ERGIC2: variants seen among roughly 807,000 people sequenced by gnomAD.
ERGIC2 encodes the protein endoplasmic reticulum-Golgi intermediate compartment protein 2.
A neutral mutation model predicts 52.5 loss-of-function variants in ERGIC2; 31 were observed. That is an observed-to-expected ratio of 0.59 (90% CI 0.44 to 0.80). The LOEUF (loss-of-function observed/expected upper bound fraction) is 0.80, where lower values mean the gene tolerates loss of function less well. ERGIC2 is among the 30% of genes least tolerant of loss of function. ERGIC2 has a pLI of 0.00. For synonymous variants in ERGIC2, 129 were observed against 140.6 expected (o/e 0.92, Z 0.58); for missense variants, 395 against 455.2 (o/e 0.87, Z 1.20).
rs755791424 is a variant in ERGIC2 at position 29,340,044 on chromosome 12, C to A, written c.*1112G>T. ...CTTTTATAATGTGAAGATTTAGAACCAATCCTTAAATAGTAAGAAAGTTAG... is the reference window on the plus strand; with the variant it reads ...CTTTTATAATGTGAAGATTTAGAACAAATCCTTAAATAGTAAGAAAGTTAG... On this transcript the variant is annotated 3_prime_UTR_variant, in exon 14 of 14. Coordinates refer to ENST00000360150, the MANE Select transcript of ERGIC2 (RefSeq NM_016570.3). 5 of 152,060 alleles carry A rather than the reference C, an allele frequency of 3.3e-5. No individual in the cohort carries two copies. The highest frequency in any genetic ancestry group is 5.9e-5 in the Non-Finnish European group (4 of 67,980). 9.4% of individuals were successfully genotyped at this position (152,060 alleles called of 1,614,324 possible).
chr12:29,370,962 C>T (rs1016213777), intron 2 of ERGIC2, among the ~76,000 whole-genome samples: 17 of 152,088 alleles, frequency 1.1e-4, no homozygotes, highest in Non-Finnish European at 4.4e-5. Flanking sequence ...TAGTAAGCAA[C>T]TTATTACCCA....
chr12:29,371,649 C>T lies in ERGIC2; in HGVS notation c.-16G>A. On this transcript the variant is annotated 5_prime_UTR_variant, in exon 2 of 14. Coordinates refer to ENST00000360150, the MANE Select transcript of ERGIC2 (RefSeq NM_016570.3). ...GTCGCCTCATCTTCAGGAAAACCTT[C>T]CTCTTCCTTCATATAGTCATGCTAA... 2.6e-6 allele frequency: 4 copies of T among 1,517,342 alleles called. No homozygotes were observed. Among genetic ancestry groups the T allele is most frequent in the Non-Finnish European group, 1.8e-6 (2 of 1,092,600 alleles). 94.0% of individuals were successfully genotyped at this position (1,517,342 alleles called of 1,614,324 possible).
intron 6 of ERGIC2, among the ~76,000 whole-genome samples, chr12:29,359,969 T>G (rs973210307): frequency 1.1e-4 from 16 of 151,798 alleles, no homozygotes; most frequent in Non-Finnish European, 2.1e-4. Flanking sequence ...GGCAAACATT[T>G]TCACAAAAAA....
chr12:29,376,490 TA>T (rs1799909499), intron 1 of ERGIC2, among the ~76,000 whole-genome samples: 1 of 152,162 alleles, frequency 6.6e-6, no homozygotes, highest in Non-Finnish European at 1.5e-5. Flanking sequence ...TTTTACCATG[TA>T]AGCTTAACAG....
chr12:29,345,102 C>A (rs1940027560), intron 11 of ERGIC2, among the ~76,000 whole-genome samples: 1 of 152,088 alleles, frequency 6.6e-6, no homozygotes, highest in South Asian at 2.1e-4. Context: ...GCTGCCAGAT[C>A]AAGAACTGCT....
intron 1 of ERGIC2, among the ~76,000 whole-genome samples, chr12:29,376,316 C>T (rs1487141044): frequency 6.6e-6 from 1 of 152,106 alleles, no homozygotes; most frequent in Non-Finnish European, 1.5e-5. Context: ...TTCTCACTTC[C>T]GTACTTGTTG....
rs748465306 is a variant in ERGIC2, at chr12:29,340,789, GT to G, written c.*366del. 0.016 allele frequency: 5,193 copies of G among 320,746 alleles called. 1 individual carries two copies. The highest frequency in any genetic ancestry group is 0.025 in the South Asian group (952 of 37,540). 19.9% of individuals were successfully genotyped at this position (320,746 alleles called of 1,614,324 possible). On this transcript the variant is annotated 3_prime_UTR_variant, in exon 14 of 14. Coordinates refer to ENST00000360150, the MANE Select transcript of ERGIC2 (RefSeq NM_016570.3). ...GATGCGAACATTTGCACTTCTCAATGTTTTTTTTTTTCCCATAGATGTAGTT... is the reference window on the plus strand; with the variant it reads ...GATGCGAACATTTGCACTTCTCAATGTTTTTTTTTTCCCATAGATGTAGTT...
intron 1 of ERGIC2, among the ~76,000 whole-genome samples, chr12:29,377,022 G>A (rs574520636): frequency 2.0e-5 from 3 of 152,218 alleles, no homozygotes; most frequent in African/African-American, 4.8e-5. Context: ...ATTAAAAAAT[G>A]TAATTCTAGG....
At chr12:29,360,510 ATATAT>A (rs1273004574) in intron 6 of ERGIC2, among the ~76,000 whole-genome samples, 6 of 147,768 alleles carry the variant, frequency 4.1e-5, no homozygotes, top group African/African-American at 1.2e-4. Flanking sequence ...TATAAATATG[ATATAT>A]TATAAAATAT....
chr12:29,361,553 C>A, intron 6 of ERGIC2, 92 bp downstream of exon 6: 1 of 890,386 alleles, frequency 1.1e-6, no homozygotes, highest in Non-Finnish European at 1.7e-6. Context: ...CCAAAGAAAT[C>A]CCTAGAGAAA....
In ERGIC2 at chr12:29,339,696, C is replaced by T. The variant is rs1250882439; in HGVS notation, c.*1460G>A. The T allele has an allele frequency of 1.3e-5, 2 of 152,104 alleles. No homozygotes were observed. Among genetic ancestry groups the T allele is most frequent in the African/African-American group, 4.8e-5 (2 of 41,432 alleles). 9.4% of individuals were successfully genotyped at this position (152,104 alleles called of 1,614,324 possible). A position where few individuals can be genotyped will look rare whatever the true frequency, so the allele number is the denominator to read the frequency against. On this transcript the variant is annotated 3_prime_UTR_variant, in exon 14 of 14. Coordinates refer to ENST00000360150, the MANE Select transcript of ERGIC2 (RefSeq NM_016570.3). ...ATTCTGCATAAACTTTACTGCAAAA[C>T]AGACCCATCACTATTTCTCCTTCTC...
At chr12:29,366,223 G>A (rs1004871189) in intron 5 of ERGIC2, among the ~76,000 whole-genome samples, 3 of 151,920 alleles carry the variant, frequency 2.0e-5, no homozygotes, top group Middle Eastern at 3.2e-3. Context: ...GCTTATTCTC[G>A]AAAGCTTATT....
chr12:29,358,545 T>A (rs955386912), intron 6 of ERGIC2, among the ~76,000 whole-genome samples: 10 of 152,144 alleles, frequency 6.6e-5, no homozygotes, highest in African/African-American at 2.4e-4. Flanking sequence ...GATGATGATG[T>A]GTCAACATAG....
chr12:29,356,384 G>C lies in ERGIC2; in HGVS notation c.570C>G (p.Gly190=), dbSNP rs1243848283. The stretch of plus-strand genomic sequence containing the variant: ...TTCAGTAAGTGAAAAGAACATACTT[G>C]CCCACTGTTATGTGAAAATTCCCTG... ...KVAGNFHITV[G]KAIPHPRGHA... Residue 190 remains glycine (G), a splice_region_variant and synonymous_variant, in exon 8 of 14, where the codon GGC becomes GGG. Coordinates refer to ENST00000360150, the MANE Select transcript of ERGIC2 (RefSeq NM_016570.3). 2 of 1,533,956 alleles carry C rather than the reference G, an allele frequency of 1.3e-6. No homozygotes were observed. Among genetic ancestry groups the C allele is most frequent in the Non-Finnish European group, 1.8e-6 (2 of 1,107,368 alleles).
chr12:29,370,283 G>T (rs1351448674), intron 2 of ERGIC2, 61 bp from the exon 3 acceptor site: 3 of 1,453,918 alleles, frequency 2.1e-6, no homozygotes, highest in East Asian at 5.4e-5. Context: ...CAAAGAATAG[G>T]AAACTAATTT....
chr12:29,365,608 A>C (rs1194163237), intron 5 of ERGIC2, among the ~76,000 whole-genome samples: 1 of 151,944 alleles, frequency 6.6e-6, no homozygotes, highest in East Asian at 1.9e-4. Flanking sequence ...AATCTAAACT[A>C]AAAGTTGAAA....
In ERGIC2 at chr12:29,349,112, G is replaced by T; in HGVS notation, c.694C>A (p.Pro232Thr). Residue 232 changes from proline to threonine, a missense_variant, in exon 10 of 14, where the codon CCT (proline) becomes ACT (threonine). Coordinates refer to ENST00000360150, the MANE Select transcript of ERGIC2 (RefSeq NM_016570.3). ...GCAATTTTTTCAGTTCCATCTAAAG[G>T]ATTAATAATTGCTGGAACAAGCTCT... is the stretch of plus-strand genomic sequence containing the variant. ...FGELVPAIIN[P>T]LDGTEKIAID... The T allele has an allele frequency of 1.3e-6, 2 of 1,577,900 alleles. No homozygotes were observed. The highest frequency in any genetic ancestry group is 1.7e-6 in the Non-Finnish European group (2 of 1,160,906).
At chr12:29,350,480 A>G (rs1314438963) in intron 8 of ERGIC2, among the ~76,000 whole-genome samples, 1 of 152,096 alleles carries the variant, frequency 6.6e-6, no homozygotes, top group East Asian at 1.9e-4. Flanking sequence ...TTCAAAACTG[A>G]CCATAAATCT....
At chr12:29,345,671 T>C in intron 10 of ERGIC2, 131 bp from the exon 11 acceptor site, 1 of 651,316 alleles carries the variant, frequency 1.5e-6, no homozygotes, top group Non-Finnish European at 2.8e-6. Context: ...CTCAGCACTT[T>C]GGGAGGCTGA....
Sources: gnomAD v4.1 joint callset for allele counts (sites outside exome capture counted in the v4.1 genomes callset) on GRCh38, gnomAD v4.1.1 for gene constraint, MANE v1.5 for transcripts, NCBI Gene and HGNC (gene_info 2026-07-23, HGNC 2026-07-21) for gene names.